MYO9A: variants seen among roughly 807,000 people sequenced by gnomAD.
MYO9A encodes the protein myosin IXA, also known as unconventional myosin-IXa.
A neutral mutation model predicts 293.3 loss-of-function variants in MYO9A; 103 were observed. That is an observed-to-expected ratio of 0.35 (90% CI 0.30 to 0.41). The LOEUF is 0.41. Ranked by LOEUF, MYO9A falls within the 10% of genes least tolerant of loss-of-function variation. The pLI, the probability that MYO9A is intolerant of heterozygous loss-of-function variation, is 1.00. For missense variants in MYO9A, 2,685 were observed against 3,033.0 expected, an observed-to-expected ratio of 0.89 and a Z score of 2.69; for synonymous variants, 1,001 against 1,035.7, an observed-to-expected ratio of 0.97 and a Z score of 0.64.
chr15:71,999,925 G>A lies in MYO9A; in HGVS notation c.1396C>T (p.Leu466=), dbSNP rs577474880. Residue 466 remains leucine, a synonymous_variant, in exon 9 of 42, where the codon CTA becomes TTA. Transcript: ENST00000356056. ...TTCCTTGTAACTAATGCTTCAAATAGCATCTCTTCTTTAACCTATAAAACA... is the reference window on the plus strand; with the variant it reads ...TTCCTTGTAACTAATGCTTCAAATAACATCTCTTCTTTAACCTATAAAACA... ...SELLEVKEEM[L]FEALVTRKTV... 4 of 1,611,130 alleles carry A rather than the reference G, an allele frequency of 2.5e-6. No individual in the cohort carries two copies. The highest frequency in any genetic ancestry group is 2.2e-5 in the South Asian group (2 of 90,634).
At chr15:71,975,390 C>CGTGTGTGTGT (rs57800508) in intron 12 of MYO9A, among the ~76,000 whole-genome samples, 5,671 of 86,630 alleles carry the variant, frequency 0.065, 1,184 homozygotes, top group Admixed American at 0.088. Context: ...GTGATTTTAT[C>CGTGTGTGTGT]GTGTGTGTGT....
chr15:71,890,504 A>T (rs2057144585), intron 26 of MYO9A: 1 of 152,198 alleles, frequency 6.6e-6, no homozygotes, highest in South Asian at 2.1e-4. Flanking sequence ...AACTAAAAAA[A>T]AACTATCTTA....
intron 32 of MYO9A, among the ~76,000 whole-genome samples, chr15:71,872,956 AGGCTGGAGTGCAGT>A (rs373023655): frequency 1.5e-3 from 224 of 150,868 alleles, no homozygotes; most frequent in African/African-American, 4.8e-3. Flanking sequence ...TCTGTCGCCC[AGGCTGGAGTGCAGT>A]GGCGCGATCT....
At chr15:72,098,848 G>C (rs949919234) in intron 1 of MYO9A, among the ~76,000 whole-genome samples, 8 of 151,668 alleles carry the variant, frequency 5.3e-5, no homozygotes, top group Non-Finnish European at 1.2e-4. Context: ...AAACTGCTGT[G>C]ATCATATTTT....
intron 18 of MYO9A, among the ~76,000 whole-genome samples, chr15:71,927,887 T>C (rs371454065): frequency 2.1e-4 from 31 of 150,246 alleles, no homozygotes; most frequent in African/African-American, 7.6e-4. Flanking sequence ...ACTTTACTCA[T>C]TGTGTGTCCT....
rs2058335337 is a variant in MYO9A at position 71,927,186 on chromosome 15, C to T, written c.2562+6484G>A. 3.9e-5 allele frequency among the ~76,000 whole-genome samples: 6 copies of T among 152,288 alleles called. No homozygotes were observed. The South Asian group carries it at 1.2e-3, about 32-fold the overall frequency. On this transcript the variant is annotated intron_variant, in intron 18 of 41. Coordinates refer to ENST00000356056, the MANE Select transcript of MYO9A (RefSeq NM_006901.4). The stretch of plus-strand genomic sequence containing the variant: ...ATTTCTTTGGCAAAATGTCTTTTGG[C>T]TATTTTTAAATTAAATTATTTGCTT...
Position 71,883,683 on chromosome 15 carries a change from T to C in MYO9A, c.5309A>G (p.Lys1770Arg), listed in dbSNP as rs556967476. ...GGTAGTAGGTTTCACTCTGGTAGTC[T>C]TCTTCTCCCCTTGTTTCCCTTTGGC... ...FWAKGKQGEK[K>R]TTRVKPTTQS... The change falls in exon 28 of 42, where the codon AAG (lysine) becomes AGG (arginine). Residue 1770 changes from lysine (K) to arginine (R), a missense_variant. Lys to Arg is a conservative substitution (Grantham distance 26). This residue lies in a region of MYO9A where 1,434 missense variants were observed against 1,497.7 expected (regional missense o/e 0.96). Transcript: ENST00000356056. 4 of 1,613,438 alleles carry C rather than the reference T, an allele frequency of 2.5e-6. No homozygotes were observed. The highest frequency in any genetic ancestry group is 3.4e-6 in the Non-Finnish European group (4 of 1,179,680).
intron 39 of MYO9A, among the ~76,000 whole-genome samples, chr15:71,831,256 C>T (rs1290798034): frequency 6.6e-6 from 1 of 152,168 alleles, no homozygotes; most frequent in Non-Finnish European, 1.5e-5. Context: ...TCTAGCCTTG[C>T]ACATATTTTG....
At chr15:72,112,210 TA>T (rs201646768) in intron 1 of MYO9A, among the ~76,000 whole-genome samples, 53 of 151,200 alleles carry the variant, frequency 3.5e-4, no homozygotes, top group Non-Finnish European at 5.6e-4. Context: ...TTGCTAATTG[TA>T]AAAAAAAATA....
At position 72,046,586 on chromosome 15, in the gene MYO9A, T is replaced by C. The variant is rs763935643; in HGVS notation, c.-23A>G. The C allele has an allele frequency of 1.3e-6, 2 of 1,548,110 alleles. No homozygotes were observed. The highest frequency in any genetic ancestry group is 1.4e-5 in the African/African-American group (1 of 72,618). ...CATATTGGATCCTGTCCCATCAGCATGGATAGTATATGTTCAAAGTCGTGC... is the reference window on the plus strand; with the variant it reads ...CATATTGGATCCTGTCCCATCAGCACGGATAGTATATGTTCAAAGTCGTGC... On this transcript the variant is annotated 5_prime_UTR_variant, in exon 2 of 42. The change abolishes an upstream ATG in the 5' untranslated region. Coordinates refer to ENST00000356056, the MANE Select transcript of MYO9A (RefSeq NM_006901.4).
chr15:71,975,591 T>C (rs937675513), intron 12 of MYO9A, among the ~76,000 whole-genome samples: 3 of 152,124 alleles, frequency 2.0e-5, no homozygotes, highest in Admixed American at 6.5e-5. Context: ...AATCTTTCTC[T>C]CTAACCTCCT....
chr15:72,004,331 G>A (rs1475080177), intron 8 of MYO9A, among the ~76,000 whole-genome samples: 1 of 152,230 alleles, frequency 6.6e-6, no homozygotes, highest in Non-Finnish European at 1.5e-5. Context: ...GCCAAGGCGG[G>A]TGGATCACCT....
At chr15:71,964,474 C>G (rs1194483361) in intron 13 of MYO9A, among the ~76,000 whole-genome samples, 5 of 151,922 alleles carry the variant, frequency 3.3e-5, no homozygotes, top group African/African-American at 1.2e-4. Context: ...TGGCGAAACC[C>G]CATCTCTACC....
At chr15:72,056,398 AC>A (rs1366815695) in intron 1 of MYO9A, among the ~76,000 whole-genome samples, 2 of 152,384 alleles carry the variant, frequency 1.3e-5, no homozygotes, top group Non-Finnish European at 2.9e-5. Flanking sequence ...ACCATGGAAT[AC>A]TACTCAGCCA....
At chr15:72,091,138 G>A (rs1037540452) in intron 1 of MYO9A, among the ~76,000 whole-genome samples, 5 of 151,568 alleles carry the variant, frequency 3.3e-5, no homozygotes, top group African/African-American at 1.2e-4. Flanking sequence ...GTTCAAGGCT[G>A]CAGTAAGCTA....
chr15:71,899,922 C>T lies in MYO9A; in HGVS notation c.3235G>A (p.Ala1079Thr). The change falls in exon 24 of 42, where the codon GCT (alanine) becomes ACT (threonine). Residue 1079 changes from alanine (A) to threonine (T), a missense_variant. This residue lies in a region of MYO9A where 1,434 missense variants were observed against 1,497.7 expected (regional missense o/e 0.96). Transcript: ENST00000356056. ...KDAFVMASAA[A>T]LLQASWRAHL... ...GCACGCCAGGAAGCTTGGAGAAGAG[C>T]AGCTGCACTAGCCATAACAAAAGCA... 2 of 1,614,024 alleles carry T rather than the reference C, an allele frequency of 1.2e-6. No individual in the cohort carries two copies. The highest frequency in any genetic ancestry group is 1.7e-6 in the Non-Finnish European group (2 of 1,180,004).
chr15:71,857,054 G>A (rs1228189175), intron 34 of MYO9A, among the ~76,000 whole-genome samples: 1 of 152,126 alleles, frequency 6.6e-6, no homozygotes, highest in Non-Finnish European at 1.5e-5. Context: ...CTAATGCTGG[G>A]ACACAGATGT....
chr15:72,044,883 T>C (rs1018168135), intron 2 of MYO9A, among the ~76,000 whole-genome samples: 6 of 152,174 alleles, frequency 3.9e-5, no homozygotes, highest in African/African-American at 1.4e-4. Flanking sequence ...TCTCTTTCTT[T>C]GCATCATTAA....
chr15:71,995,736 T>C (rs2957745), intron 9 of MYO9A, among the ~76,000 whole-genome samples: 97,319 of 151,892 alleles, frequency 0.64, 32,401 homozygotes, highest in Middle Eastern at 0.74. Flanking sequence ...AAAATAGTAA[T>C]AATTAAGAAC....
Sources: gnomAD v4.1 joint callset for allele counts (sites outside exome capture counted in the v4.1 genomes callset) on GRCh38, gnomAD v4.1.1 for gene constraint, gnomAD v4.1.1 regional missense constraint, MANE v1.5 for transcripts, NCBI Gene and HGNC (gene_info 2026-07-23, HGNC 2026-07-21) for gene names.